The following RBPMS variants were observed in gnomAD, a reference collection of about 807,000 sequenced individuals.
RBPMS encodes the protein RNA-binding protein with multiple splicing.
Under a neutral mutation model 26.8 loss-of-function variants are expected in RBPMS, and 7 were observed. The observed-to-expected ratio is 0.26, with a 90% CI of 0.15 to 0.49. RBPMS has a LOEUF of 0.49. RBPMS is among the 20% of genes least tolerant of loss of function. The pLI, the probability that RBPMS is intolerant of heterozygous loss-of-function variation, is 0.98. For synonymous variants in RBPMS, 96 were observed against 93.3 expected (o/e 1.03, Z -0.17); for missense variants, 186 against 250.0 (o/e 0.74, Z 1.73).
chr8:30,544,510 T>A lies in RBPMS; in HGVS notation c.414T>A (p.Pro138=). The A allele has an allele frequency of 6.2e-7, 1 of 1,614,234 alleles. No individual in the cohort carries two copies. Among genetic ancestry groups the A allele is most frequent in the Non-Finnish European group, 8.5e-7 (1 of 1,180,036 alleles). The change falls in exon 6 of 9, where the codon CCT becomes CCA. Residue 138 remains proline (P), a synonymous_variant. Transcript: ENST00000397323. ...IAREPYELTV[P]ALYPSSPEVW... ...TTCTTGCAGATGAGCTCACAGTGCC[T>A]GCACTTTACCCCAGTAGCCCTGAAG...
Position 30,519,458 on chromosome 8 carries a change from CTTTTTTTTTTTTTTTT to C in RBPMS, c.397+15049_397+15064del, listed in dbSNP as rs36017963. ...TCACCCTACGTGGGAGGATCTCTCT[CTTTTTTTTTTTTTTTT>C]TTTTTTTTTTTTTTTTTTTTTTTTT... On this transcript the variant is annotated intron_variant, in intron 5 of 8. Coordinates refer to ENST00000397323, the MANE Select transcript of RBPMS (RefSeq NM_001008710.3). Among the ~76,000 whole-genome samples, 388 of 89,492 alleles carry C rather than the reference CTTTTTTTTTTTTTTTT, an allele frequency of 4.3e-3. 22 individuals are homozygous for C. Among genetic ancestry groups the C allele is most frequent in the African/African-American group, 0.016 (358 of 22,860 alleles). The allele number at this position is 89,492 out of a possible 152,430, so 58.7% of individuals were successfully genotyped here.
chr8:30,549,125 G>A (rs1826089828), intron 6 of RBPMS, among the ~76,000 whole-genome samples: 1 of 152,202 alleles, frequency 6.6e-6, no homozygotes, highest in South Asian at 2.1e-4. Flanking sequence ...CTGTGAGGGT[G>A]GTTGGTCCCA....
chr8:30,548,486 C>T (rs564222156), intron 6 of RBPMS, among the ~76,000 whole-genome samples: 1 of 152,172 alleles, frequency 6.6e-6, no homozygotes, highest in Non-Finnish European at 1.5e-5. Context: ...CCTCATTTGT[C>T]CAGAGTAACA....
chr8:30,459,149 A>G (rs945420110), intron 1 of RBPMS, among the ~76,000 whole-genome samples: 7 of 151,748 alleles, frequency 4.6e-5, no homozygotes, highest in Non-Finnish European at 7.4e-5. Context: ...TTTAGTGGAG[A>G]CAGGATTTCA....
intron 5 of RBPMS, among the ~76,000 whole-genome samples, chr8:30,536,636 A>T (rs567964623): frequency 2.0e-5 from 3 of 152,268 alleles, no homozygotes; most frequent in South Asian, 2.1e-4. Context: ...TTGTTTATAA[A>T]TTTTTTATTT....
At chr8:30,386,714 A>G (rs1201435825) in intron 1 of RBPMS, among the ~76,000 whole-genome samples, 4 of 152,166 alleles carry the variant, frequency 2.6e-5, no homozygotes, top group Non-Finnish European at 4.4e-5. Context: ...AGGAATTACC[A>G]TATTTAACTA....
chr8:30,531,290 C>T (rs537635679), intron 5 of RBPMS, among the ~76,000 whole-genome samples: 9 of 152,280 alleles, frequency 5.9e-5, no homozygotes, highest in African/African-American at 2.2e-4. Context: ...CCCAGAAACT[C>T]CTTGGTTCCT....
At chr8:30,527,678 G>C (rs1020574545) in intron 5 of RBPMS, among the ~76,000 whole-genome samples, 1 of 152,082 alleles carries the variant, frequency 6.6e-6, no homozygotes, top group East Asian at 1.9e-4. Context: ...CCTCAGCACA[G>C]TGTGAGAAAA....
chr8:30,430,816 A>G (rs531509560), intron 1 of RBPMS, among the ~76,000 whole-genome samples: 1 of 152,354 alleles, frequency 6.6e-6, no homozygotes, highest in East Asian at 1.9e-4. Context: ...TAATTTAAAA[A>G]ATACCTATGT....
At chr8:30,555,947 A>G (rs755520054) in intron 6 of RBPMS, 83 of 985,286 alleles carry the variant, frequency 8.4e-5, no homozygotes, top group Non-Finnish European at 4.9e-5. Flanking sequence ...GCTGTGCACC[A>G]TGAGCCCTGC....
intron 1 of RBPMS, among the ~76,000 whole-genome samples, chr8:30,464,065 G>A (rs532219275): frequency 1.3e-5 from 2 of 152,306 alleles, no homozygotes; most frequent in Non-Finnish European, 2.9e-5. Flanking sequence ...TAGGCAGGAG[G>A]ATCTTTTTGA....
At chr8:30,451,689 A>G (rs1814606518) in intron 1 of RBPMS, among the ~76,000 whole-genome samples, 1 of 152,162 alleles carries the variant, frequency 6.6e-6, no homozygotes, top group Admixed American at 6.5e-5. Context: ...ATATACTGCT[A>G]AGAATAGAGA....
At chr8:30,425,118 A>G (rs1194675338) in intron 1 of RBPMS, among the ~76,000 whole-genome samples, 1 of 151,626 alleles carries the variant, frequency 6.6e-6, no homozygotes, top group Non-Finnish European at 1.5e-5. Flanking sequence ...ACCACGCCCA[A>G]CTAATTTTCT....
intron 1 of RBPMS, among the ~76,000 whole-genome samples, chr8:30,432,971 T>A (rs1295702403): frequency 2.0e-5 from 3 of 152,162 alleles, no homozygotes; most frequent in African/African-American, 7.2e-5. Flanking sequence ...TAGACTTGAG[T>A]ACGTTCAACT....
chr8:30,431,173 C>A (rs1478485761), intron 1 of RBPMS, among the ~76,000 whole-genome samples: 1 of 151,894 alleles, frequency 6.6e-6, no homozygotes, highest in Non-Finnish European at 1.5e-5. Flanking sequence ...CAGAGTGTAT[C>A]CAGGGGGAGA....
Position 30,506,211 on chromosome 8 carries a change from C to A in RBPMS, c.397+1775C>A, listed in dbSNP as rs536763357. 3.3e-5 allele frequency among the ~76,000 whole-genome samples: 5 copies of A among 152,112 alleles called. No individual in the cohort carries two copies. In the South Asian group the frequency reaches 1.0e-3, roughly 32 times the overall value. On this transcript the variant is annotated intron_variant, in intron 5 of 8. Coordinates refer to ENST00000397323, the MANE Select transcript of RBPMS (RefSeq NM_001008710.3). The stretch of plus-strand genomic sequence containing the variant: ...GAGAGCATAGAAACTGAGCTTAGAA[C>A]TCTTTTCTGGCAAGCTCTGCTCACC...
intron 1 of RBPMS, among the ~76,000 whole-genome samples, chr8:30,458,916 C>T (rs1218348348): frequency 2.0e-5 from 3 of 150,870 alleles, no homozygotes; most frequent in Non-Finnish European, 4.4e-5. Context: ...TGTTGCCTCC[C>T]GAAGTGATGA....
chr8:30,448,309 A>G (rs1814119990), intron 1 of RBPMS, among the ~76,000 whole-genome samples: 1 of 152,210 alleles, frequency 6.6e-6, no homozygotes. Context: ...TCCTGTGTGC[A>G]TATTTGGATG....
At chr8:30,539,073 A>G (rs1825110822) in intron 5 of RBPMS, among the ~76,000 whole-genome samples, 1 of 152,194 alleles carries the variant, frequency 6.6e-6, no homozygotes, top group African/African-American at 2.4e-5. Flanking sequence ...TTGCTGAGGT[A>G]TGTGAGTGGG....
Sources: gnomAD v4.1 joint callset for allele counts (sites outside exome capture counted in the v4.1 genomes callset) on GRCh38, gnomAD v4.1.1 for gene constraint, MANE v1.5 for transcripts, NCBI Gene and HGNC (gene_info 2026-07-23, HGNC 2026-07-21) for gene names.